CRTC1: variants seen among roughly 807,000 people sequenced by gnomAD.
CRTC1 encodes CREB-regulated transcription coactivator 1.
A neutral mutation model predicts 66.1 loss-of-function variants in CRTC1; 18 were observed. The observed-to-expected ratio is 0.27, with a 90% CI of 0.19 to 0.40. The LOEUF is 0.40. Among genes scored for constraint, CRTC1 ranks in the 10% least tolerant of loss-of-function variants. The pLI is 1.00. For missense variants in CRTC1, 669 were observed against 887.9 expected (o/e 0.75, Z 3.13); for synonymous variants, 416 against 398.8 (o/e 1.04, Z -0.51).
At chr19:18,715,486 C>A (rs1217325752) in intron 1 of CRTC1, among the ~76,000 whole-genome samples, 2 of 152,218 alleles carry the variant, frequency 1.3e-5, no homozygotes, top group African/African-American at 4.8e-5. Context: ...GCTGCAAATA[C>A]CTTATTTCCA....
At chr19:18,749,971 C>T in intron 5 of CRTC1, 96 bp downstream of exon 5, 1 of 938,368 alleles carries the variant, frequency 1.1e-6, no homozygotes, top group Non-Finnish European at 1.7e-6. Context: ...GGGCAGATGG[C>T]TCTTCAAAGG....
intron 10 of CRTC1, among the ~76,000 whole-genome samples, chr19:18,770,054 A>G (rs913264713): frequency 1.8e-5 from 2 of 111,834 alleles, no homozygotes; most frequent in African/African-American, 6.9e-5. Context: ...CCCTACCCCA[A>G]ACTGCCCAGA....
At chr19:18,772,590 G>A (rs1326252893) in intron 11 of CRTC1, among the ~76,000 whole-genome samples, 3 of 152,172 alleles carry the variant, frequency 2.0e-5, no homozygotes, top group Non-Finnish European at 2.9e-5. Flanking sequence ...CTTGTCCCAG[G>A]GCAAACCGTG....
intron 1 of CRTC1, among the ~76,000 whole-genome samples, chr19:18,736,790 C>T (rs1184609666): frequency 2.0e-5 from 3 of 152,182 alleles, no homozygotes; most frequent in Non-Finnish European, 2.9e-5. Context: ...GGGTCTGCCA[C>T]GGCTTTGCAG....
intron 1 of CRTC1, among the ~76,000 whole-genome samples, chr19:18,712,424 A>T (rs768418936): frequency 1.7e-4 from 26 of 151,122 alleles, no homozygotes; most frequent in Non-Finnish European, 1.3e-4. Flanking sequence ...CACCCAGCTA[A>T]TTTTTTTGTA....
At position 18,759,892 on chromosome 19, in the gene CRTC1, GCAC is replaced by G. The variant is rs1281687589; in HGVS notation, c.666-114_666-112del. 2.8e-5 allele frequency: 24 copies of G among 845,098 alleles called. No homozygotes were observed. The African/African-American group carries it at 3.8e-4, about 13-fold the overall frequency. 52.3% of individuals were successfully genotyped at this position (845,098 alleles called of 1,614,324 possible). A position where few individuals can be genotyped will look rare whatever the true frequency, so the allele number is the denominator to read the frequency against. ...CCAACAGTGGTTTCCCAAGCACACGGCACCTGATGGGGGGTGGCCTTTTGCACC... is the reference window on the plus strand; with the variant it reads ...CCAACAGTGGTTTCCCAAGCACACGGCTGATGGGGGGTGGCCTTTTGCACC... On this transcript the variant is annotated intron_variant, in intron 7 of 13. Transcript: ENST00000321949.
intron 5 of CRTC1, among the ~76,000 whole-genome samples, chr19:18,751,985 G>A (rs1225952786): frequency 2.6e-5 from 4 of 151,974 alleles, no homozygotes; most frequent in Admixed American, 6.6e-5. Context: ...CCAACATGGA[G>A]AAACCCCATC....
intron 6 of CRTC1, among the ~76,000 whole-genome samples, chr19:18,759,264 A>G (rs886224396): frequency 2.0e-5 from 3 of 152,218 alleles, no homozygotes; most frequent in African/African-American, 4.8e-5. Context: ...ACTCCTCTGA[A>G]AAGAGACTGC....
At position 18,690,009 on chromosome 19, in the gene CRTC1, G is replaced by T. The variant is rs140354780; in HGVS notation, c.126+6181G>T. Reference sequence around the variant, plus strand: ...AGGGGGAATGATAGCTGGAGCAAGGGGGTGACAGAGCGGGTGGATTTGGTG... The same window carrying T: ...AGGGGGAATGATAGCTGGAGCAAGGTGGTGACAGAGCGGGTGGATTTGGTG... On this transcript the variant is annotated intron_variant, in intron 1 of 13. Transcript: ENST00000321949. Among the ~76,000 whole-genome samples the T allele has an allele frequency of 7.2e-3, 1,094 of 151,578 alleles. 29 individuals are homozygous for T. Among genetic ancestry groups the T allele is most frequent in the Admixed American group, 0.043 (646 of 15,162 alleles).
chr19:18,742,533 C>T lies in CRTC1; in HGVS notation c.127-377C>T, dbSNP rs577917503. Among the ~76,000 whole-genome samples the T allele has an allele frequency of 8.2e-4, 125 of 152,348 alleles. 1 individual carries two copies. The highest frequency in any genetic ancestry group is 1.5e-3 in the Non-Finnish European group (102 of 68,032). ...GGCCTGCCAAGTCACAGCCTCTGGC[C>T]GTGATAAGAAATGGCTCCCCTGGGC... On this transcript the variant is annotated intron_variant, in intron 1 of 13. Transcript: ENST00000321949.
intron 1 of CRTC1, among the ~76,000 whole-genome samples, chr19:18,723,020 A>G (rs1568498911): frequency 6.6e-6 from 1 of 151,544 alleles, no homozygotes; most frequent in Non-Finnish European, 1.5e-5. Context: ...GGCTCACTAC[A>G]TCCTCTGCCT....
chr19:18,745,397 C>T (rs1207675823), intron 2 of CRTC1, among the ~76,000 whole-genome samples: 1 of 152,174 alleles, frequency 6.6e-6, no homozygotes, highest in African/African-American at 2.4e-5. Flanking sequence ...CTTGGCAGGC[C>T]CCTCCAGGGA....
Position 18,781,824 on chromosome 19 carries a change from C to T in CRTC1, c.*4442C>T, listed in dbSNP as rs957714640. ...GGGCTCCTGGCCAGCACCCCACCCC[C>T]AGGAGCCAGGGACAGGTGGCATGTG... On this transcript the variant is annotated 3_prime_UTR_variant, in exon 14 of 14. Coordinates refer to ENST00000321949, the MANE Select transcript of CRTC1 (RefSeq NM_015321.3). 1 of 231,076 alleles carries T rather than the reference C, an allele frequency of 4.3e-6. No homozygotes were observed. Among genetic ancestry groups the T allele is most frequent in the Non-Finnish European group, 8.6e-6 (1 of 116,710 alleles). The allele number at this position is 231,076 out of a possible 1,614,324, so 14.3% of individuals were successfully genotyped here.
At chr19:18,746,491 C>G (rs1052004640) in intron 3 of CRTC1, among the ~76,000 whole-genome samples, 4 of 151,788 alleles carry the variant, frequency 2.6e-5, no homozygotes, top group Admixed American at 2.0e-4. Flanking sequence ...CCCCTCCCCC[C>G]CAACTCAGCC....
At position 18,775,639 on chromosome 19, in the gene CRTC1, A is replaced by C; in HGVS notation, c.1513-2A>C. 6.3e-7 allele frequency: 1 copy of C among 1,578,468 alleles called. No homozygotes were observed. The highest frequency in any genetic ancestry group is 8.6e-7 in the Non-Finnish European group (1 of 1,161,094). ...CACAGCCTGGTGTGCCTCCCTTCCC[A>C]GCTGGAGCAGTTCAACATGATGGAG... On this transcript the variant is annotated splice_acceptor_variant, in intron 12 of 13. Transcript: ENST00000321949. LOFTEE classifies it high-confidence loss of function.
intron 1 of CRTC1, among the ~76,000 whole-genome samples, chr19:18,713,448 G>A (rs2053435444): frequency 6.6e-6 from 1 of 152,206 alleles, no homozygotes; most frequent in Non-Finnish European, 1.5e-5. Flanking sequence ...GGGTTTAACT[G>A]TTTGAGTAGT....
chr19:18,688,473 CT>C lies in CRTC1; in HGVS notation c.126+4646del, dbSNP rs575066914. ...TTGTTTTTTTGAGGAGGAGCCCCCC[CT>C]GTCGCCCAGGCTGGAGTGTGGTGGT... On this transcript the variant is annotated intron_variant, in intron 1 of 13. Coordinates refer to ENST00000321949, the MANE Select transcript of CRTC1 (RefSeq NM_015321.3). Among the ~76,000 whole-genome samples, 343 of 150,604 alleles carry C rather than the reference CT, an allele frequency of 2.3e-3. 5 individuals carry two copies. The highest frequency in any genetic ancestry group is 7.9e-3 in the African/African-American group (315 of 40,032).
intron 10 of CRTC1, among the ~76,000 whole-genome samples, chr19:18,770,836 G>A (rs1476770729): frequency 2.0e-5 from 3 of 150,610 alleles, no homozygotes; most frequent in Non-Finnish European, 4.5e-5. Context: ...CCATGTGGGT[G>A]TGGGTGTGCA....
In CRTC1 at chr19:18,771,358, G is replaced by A. The variant is rs2145851723; in HGVS notation, c.1321-84G>A. The A allele has an allele frequency of 8.2e-7, 1 of 1,217,966 alleles. No homozygotes were observed. The highest frequency in any genetic ancestry group is 1.2e-6 in the Non-Finnish European group (1 of 865,520). The allele number at this position is 1,217,966 out of a possible 1,614,324, so 75.4% of individuals were successfully genotyped here. On this transcript the variant is annotated intron_variant, in intron 10 of 13. Transcript: ENST00000321949. The surrounding 1 kb of genome is among the most constrained non-coding windows in gnomAD (Gnocchi z 4.6). ...GGGCGGGGGGACCTGCCTGGGGGCT[G>A]ATCAGGCTGCTCCCGGGAAGCAGGG...
Sources: gnomAD v4.1 joint callset for allele counts (sites outside exome capture counted in the v4.1 genomes callset) on GRCh38, gnomAD v4.1.1 for gene constraint, Gnocchi (gnomAD v3.1) non-coding constraint, MANE v1.5 for transcripts, NCBI Gene and HGNC (gene_info 2026-07-23, HGNC 2026-07-21) for gene names.